Variants in RIPOR2 observed in about 807,000 individuals in gnomAD.
The protein encoded by RIPOR2 is RHO family interacting cell polarization regulator 2, also known as rho family-interacting cell polarization regulator 2.
In RIPOR2, 39 loss-of-function variants were observed where a neutral mutation model predicts 114.5. That is an observed-to-expected ratio of 0.34 (90% confidence interval 0.26 to 0.44). The LOEUF (loss-of-function observed/expected upper bound fraction) is 0.44. Ranked by LOEUF, RIPOR2 falls within the 20% of genes least tolerant of loss-of-function variation. The pLI, the probability that RIPOR2 is intolerant of heterozygous loss-of-function variation, is 1.00. For synonymous variants in RIPOR2, 445 were observed against 484.4 expected (o/e 0.92, Z 1.07); for missense variants, 1,007 against 1,255.1 (o/e 0.80, Z 2.99).
rs34057286 is a variant in RIPOR2 at position 25,005,694 on chromosome 6, G to GATAT, written c.76+36153_76+36156dup. On this transcript the variant is annotated intron_variant, in intron 1 of 13. Coordinates refer to the RIPOR2 transcript ENST00000510784. Reference sequence around the variant, plus strand: ...GTTTCAAAAATAAAATCCCTATGGAGATATATATATATATATATATATATA... The same window carrying GATAT: ...GTTTCAAAAATAAAATCCCTATGGAGATATATATATATATATATATATATATATA... Among the ~76,000 whole-genome samples the GATAT allele has an allele frequency of 1.1e-3, 48 of 45,372 alleles. 1 individual carries two copies. Among genetic ancestry groups the GATAT allele is most frequent in the Admixed American group, 1.2e-3 (5 of 4,012 alleles). 29.8% of individuals were successfully genotyped at this position (45,372 alleles called of 152,430 possible). A position where few individuals can be genotyped will look rare whatever the true frequency, so the allele number is the denominator to read the frequency against.
chr6:24,921,660 G>T (rs6932439), intron 1 of RIPOR2, among the ~76,000 whole-genome samples: 1 of 124,922 alleles, frequency 8.0e-6, no homozygotes, highest in Non-Finnish European at 1.8e-5. Flanking sequence ...CGCCCCCCCC[G>T]ACCCTGATGT....
chr6:24,944,239 G>A (rs1054946098), intron 1 of RIPOR2, among the ~76,000 whole-genome samples: 2 of 152,272 alleles, frequency 1.3e-5, no homozygotes, highest in African/African-American at 4.8e-5. Context: ...AAAGGCTAAG[G>A]CAGAGTTGTA....
chr6:25,026,822 G>C (rs1351455113), intron 1 of RIPOR2, among the ~76,000 whole-genome samples: 1 of 152,234 alleles, frequency 6.6e-6, no homozygotes, highest in Non-Finnish European at 1.5e-5. Flanking sequence ...GTTGGCAGGA[G>C]CTAAGAGGCT....
intron 1 of RIPOR2, among the ~76,000 whole-genome samples, chr6:24,882,826 T>G (rs1176626211): frequency 6.6e-6 from 1 of 152,248 alleles, no homozygotes; most frequent in Non-Finnish European, 1.5e-5. Context: ...AACAAAGCTA[T>G]CTTTAAAAGG....
At chr6:25,036,800 C>G (rs1213533188) in intron 1 of RIPOR2, among the ~76,000 whole-genome samples, 2 of 152,180 alleles carry the variant, frequency 1.3e-5, no homozygotes, top group African/African-American at 2.4e-5. Flanking sequence ...GGGGCAAACA[C>G]TCCATTTTCC....
intron 1 of RIPOR2, among the ~76,000 whole-genome samples, chr6:25,005,794 T>G (rs931240730): frequency 2.0e-5 from 3 of 146,774 alleles, no homozygotes; most frequent in African/African-American, 7.4e-5. Context: ...TTCTCCTGTT[T>G]AACTTGACAT....
intron 1 of RIPOR2, among the ~76,000 whole-genome samples, chr6:24,923,461 T>C (rs969809166): frequency 6.6e-6 from 1 of 152,206 alleles, no homozygotes; most frequent in African/African-American, 2.4e-5. Flanking sequence ...TTTTTTGTAG[T>C]GGCTGTACCA....
At chr6:25,006,492 C>T (rs371789731) in intron 1 of RIPOR2, among the ~76,000 whole-genome samples, 5 of 152,208 alleles carry the variant, frequency 3.3e-5, no homozygotes, top group African/African-American at 1.2e-4. Context: ...TGCCACCTCA[C>T]CCCCACAAAT....
chr6:24,893,244 T>C (rs140931867), intron 1 of RIPOR2, among the ~76,000 whole-genome samples: 18 of 152,370 alleles, frequency 1.2e-4, no homozygotes, highest in Admixed American at 1.0e-3. Flanking sequence ...TTCCTGTGTA[T>C]GTTTGAAAAG....
chr6:24,933,630 C>A (rs1204104295), intron 1 of RIPOR2, among the ~76,000 whole-genome samples: 1 of 152,164 alleles, frequency 6.6e-6, no homozygotes, highest in Non-Finnish European at 1.5e-5. Context: ...ATAAAGCATA[C>A]CACATTGAAG....
chr6:25,016,365 G>T (rs1264797734), intron 1 of RIPOR2, among the ~76,000 whole-genome samples: 2 of 152,172 alleles, frequency 1.3e-5, no homozygotes, highest in African/African-American at 2.4e-5. Flanking sequence ...TAATCTCAGC[G>T]ATTTAAAGTA....
chr6:24,986,075 T>C (rs6456642), intron 1 of RIPOR2, among the ~76,000 whole-genome samples: 151,146 of 152,360 alleles, frequency 0.99, 74,974 homozygotes, highest in East Asian at 1. Flanking sequence ...AATTCTCTTT[T>C]AGAAGATTAA....
intron 1 of RIPOR2, among the ~76,000 whole-genome samples, chr6:25,035,645 G>A (rs573621815): frequency 1.3e-5 from 2 of 152,288 alleles, no homozygotes; most frequent in East Asian, 3.9e-4. Flanking sequence ...GAGGCCGGGG[G>A]AGAAACATGA....
chr6:25,022,531 CATT>C (rs1310345677), intron 1 of RIPOR2, among the ~76,000 whole-genome samples: 5 of 64,528 alleles, frequency 7.7e-5, no homozygotes, highest in Non-Finnish European at 1.0e-4. Context: ...TGGTACCTTC[CATT>C]TTTTTTTTTT....
At chr6:25,011,115 C>T (rs73384159) in intron 1 of RIPOR2, among the ~76,000 whole-genome samples, 7,314 of 152,144 alleles carry the variant, frequency 0.048, 381 homozygotes, top group African/African-American at 0.13. Context: ...TTTGTTTTTA[C>T]AATGACTCAT....
chr6:24,914,927 C>T (rs1769952150), intron 1 of RIPOR2, among the ~76,000 whole-genome samples: 1 of 152,162 alleles, frequency 6.6e-6, no homozygotes, highest in South Asian at 2.1e-4. Context: ...TTGGTTGTAC[C>T]TACCGACCCT....
chr6:24,841,260 C>T (rs776328411), intron 13 of RIPOR2, among the ~76,000 whole-genome samples: 4 of 152,158 alleles, frequency 2.6e-5, no homozygotes, highest in Admixed American at 2.0e-4. Context: ...AAATGAATAC[C>T]TTTTGCCCAC....
intron 1 of RIPOR2, among the ~76,000 whole-genome samples, chr6:24,878,797 G>C (rs992074213): frequency 6.6e-6 from 1 of 152,094 alleles, no homozygotes; most frequent in Non-Finnish European, 1.5e-5. Flanking sequence ...AAAAAGAAAA[G>C]ATACCAAGTT....
Position 24,886,723 on chromosome 6 carries a change from G to A in RIPOR2, c.62-10906C>T, listed in dbSNP as rs189874069. Among the ~76,000 whole-genome samples, 240 of 152,266 alleles carry A rather than the reference G, an allele frequency of 1.6e-3. 1 individual carries two copies. Among genetic ancestry groups the A allele is most frequent in the African/African-American group, 5.5e-3 (228 of 41,542 alleles). On this transcript the variant is annotated intron_variant, in intron 1 of 21. Coordinates refer to ENST00000643898, the MANE Select transcript of RIPOR2 (RefSeq NM_001286445.3). ...CAAGGAGTTGCTTGGTGCCATTACC[G>A]GTGATGTTAACTTTGATCAGTTGGT... is the stretch of plus-strand genomic sequence containing the variant.
Sources: allele counts gnomAD v4.1 joint callset (sites outside exome capture counted in the v4.1 genomes callset), GRCh38; gene constraint gnomAD v4.1.1; transcripts MANE v1.5; gene names NCBI Gene and HGNC (gene_info 2026-07-23, HGNC 2026-07-21).